The following SHISA9 variants were observed in gnomAD, a reference collection of about 807,000 sequenced individuals.
SHISA9 encodes the protein protein shisa-9.
A neutral mutation model predicts 38.0 loss-of-function variants in SHISA9; 13 were observed. The observed-to-expected ratio is 0.34, with a 90% CI of 0.22 to 0.54. The LOEUF (loss-of-function observed/expected upper bound fraction) is 0.54. SHISA9 is among the 20% of genes least tolerant of loss of function. The pLI, the probability that SHISA9 is intolerant of heterozygous loss-of-function variation, is 0.91. For synonymous variants in SHISA9, 275 were observed against 242.0 expected (o/e 1.14, Z -1.27); for missense variants, 538 against 575.8 (o/e 0.93, Z 0.67).
the SHISA9 span, among the ~76,000 whole-genome samples, chr16:13,531,747 T>C: frequency 6.6e-6 from 1 of 152,100 alleles, no homozygotes; most frequent in Non-Finnish European, 1.5e-5. Flanking sequence ...CGGGACTGAA[T>C]TGCTTACCTG....
chr16:13,243,963 G>A (rs946584793), downstream of SHISA9, among the ~76,000 whole-genome samples: 3 of 152,086 alleles, frequency 2.0e-5, no homozygotes, highest in Non-Finnish European at 4.4e-5. Context: ...AGTAGAGATG[G>A]GGTTTCACCA....
At chr16:13,262,631 TGGAA>T in the SHISA9 span, among the ~76,000 whole-genome samples, 5,152 of 77,996 alleles carry the variant, frequency 0.066, 401 homozygotes, top group East Asian at 0.29. Flanking sequence ...ATTGTTATTG[TGGAA>T]GGAAGGAAGG....
chr16:13,264,487 G>A, the SHISA9 span, among the ~76,000 whole-genome samples: 5 of 152,100 alleles, frequency 3.3e-5, no homozygotes, highest in African/African-American at 1.2e-4. Flanking sequence ...TAAATCTTGA[G>A]AGTGGAGGAA....
At chr16:13,475,199 G>A in the SHISA9 span, among the ~76,000 whole-genome samples, 3 of 151,996 alleles carry the variant, frequency 2.0e-5, no homozygotes, top group African/African-American at 7.3e-5. Context: ...TTTTGGAGGT[G>A]GAGTTCTCAG....
At chr16:13,516,822 G>T in the SHISA9 span, among the ~76,000 whole-genome samples, 4 of 151,422 alleles carry the variant, frequency 2.6e-5, no homozygotes, top group Non-Finnish European at 4.4e-5. Flanking sequence ...TTACAGGGAA[G>T]GAGAGAAAGT....
At chr16:13,301,000 A>G in the SHISA9 span, among the ~76,000 whole-genome samples, 1 of 150,866 alleles carries the variant, frequency 6.6e-6, no homozygotes, top group Non-Finnish European at 1.5e-5. Flanking sequence ...CCTTGTCAAT[A>G]TTGACTCCTT....
At chr16:12,942,228 G>C (rs890685155) in intron 2 of SHISA9, among the ~76,000 whole-genome samples, 1 of 152,238 alleles carries the variant, frequency 6.6e-6, no homozygotes, top group Non-Finnish European at 1.5e-5. Flanking sequence ...CAATTCTCTT[G>C]TATTTCCCTC....
chr16:13,120,930 A>G (rs1353372276), intron 2 of SHISA9, among the ~76,000 whole-genome samples: 1 of 152,012 alleles, frequency 6.6e-6, no homozygotes, highest in East Asian at 1.9e-4. Context: ...GCCAAGGGAG[A>G]GAGCTGTGAT....
chr16:13,415,457 A>G, the SHISA9 span, among the ~76,000 whole-genome samples: 1 of 152,174 alleles, frequency 6.6e-6, no homozygotes, highest in Non-Finnish European at 1.5e-5. Flanking sequence ...GGGAGGAGGG[A>G]GAAGATCAGG....
the SHISA9 span, among the ~76,000 whole-genome samples, chr16:13,469,442 A>AAAAAGAAAGG: frequency 3.3e-5 from 5 of 151,098 alleles, no homozygotes; most frequent in African/African-American, 9.8e-5. Context: ...AAAGAGAAAG[A>AAAAAGAAAGG]AAGAGAAAGA....
intron 2 of SHISA9, among the ~76,000 whole-genome samples, chr16:13,140,476 C>G (rs990871602): frequency 9.2e-5 from 14 of 152,060 alleles, no homozygotes; most frequent in Non-Finnish European, 1.9e-4. Flanking sequence ...TGCACCTGGC[C>G]AATGGTACTC....
At chr16:13,544,759 A>G in the SHISA9 span, among the ~76,000 whole-genome samples, 4 of 152,062 alleles carry the variant, frequency 2.6e-5, no homozygotes, top group Admixed American at 2.6e-4. Flanking sequence ...CCTGGCCAAC[A>G]TGGTGAAACC....
At chr16:13,169,096 C>T (rs1488103895) in intron 2 of SHISA9, among the ~76,000 whole-genome samples, 2 of 152,208 alleles carry the variant, frequency 1.3e-5, no homozygotes, top group African/African-American at 4.8e-5. Flanking sequence ...GAAGACCTCA[C>T]ACCTGTTTCA....
chr16:13,500,482 GA>G, the SHISA9 span, among the ~76,000 whole-genome samples: 5 of 152,288 alleles, frequency 3.3e-5, no homozygotes, highest in Middle Eastern at 0.01. Context: ...TTAATGGAAG[GA>G]AATAGCAGTT....
At chr16:13,207,235 G>A (rs1384540701) in intron 3 of SHISA9, among the ~76,000 whole-genome samples, 2 of 152,192 alleles carry the variant, frequency 1.3e-5, no homozygotes, top group Non-Finnish European at 2.9e-5. Flanking sequence ...CTGCACTCCA[G>A]TATGACACCC....
At chr16:13,289,741 G>A in the SHISA9 span, among the ~76,000 whole-genome samples, 5 of 152,036 alleles carry the variant, frequency 3.3e-5, no homozygotes, top group Admixed American at 2.6e-4. Context: ...ATTTCTGGGA[G>A]CATTGAGTTT....
chr16:13,262,201 T>C, the SHISA9 span, among the ~76,000 whole-genome samples: 1 of 152,010 alleles, frequency 6.6e-6, no homozygotes, highest in African/African-American at 2.4e-5. Context: ...AAATAAAACA[T>C]ACAAAACCAG....
At chr16:13,019,214 G>A (rs1243119930) in intron 2 of SHISA9, among the ~76,000 whole-genome samples, 1 of 152,210 alleles carries the variant, frequency 6.6e-6, no homozygotes, top group African/African-American at 2.4e-5. Context: ...TGGCCAGGCT[G>A]GTCTTGAACT....
At chr16:13,002,614 C>T (rs2141842996) in intron 2 of SHISA9, among the ~76,000 whole-genome samples, 1 of 148,640 alleles carries the variant, frequency 6.7e-6, no homozygotes, top group Non-Finnish European at 1.5e-5. Context: ...ATCACTGCAA[C>T]CTCCACCCCC....
Sources: allele counts gnomAD v4.1 joint callset (sites outside exome capture counted in the v4.1 genomes callset), GRCh38; gene constraint gnomAD v4.1.1; transcripts MANE v1.5; gene names NCBI Gene and HGNC (gene_info 2026-07-23, HGNC 2026-07-21).